Variants in ITPR1 observed in about 807,000 individuals in gnomAD.
ITPR1 encodes inositol 1,4,5-trisphosphate-gated calcium channel ITPR1.
ITPR1 carries 96 observed loss-of-function variants against 318.4 expected under a neutral mutation model. The ratio of observed to expected loss-of-function variants is 0.30; its 90% CI spans 0.26 to 0.36. ITPR1 has a LOEUF of 0.36. Among genes scored for constraint, ITPR1 ranks in the 10% least tolerant of loss-of-function variants. ITPR1 has a pLI of 1.00. For synonymous variants in ITPR1, 1,312 were observed against 1,289.9 expected (o/e 1.02, Z -0.37); for missense variants, 2,440 against 3,460.2 (o/e 0.71, Z 7.40).
At chr3:4,581,047 C>T (rs1227268780) in intron 4 of ITPR1, among the ~76,000 whole-genome samples, 1 of 152,202 alleles carries the variant, frequency 6.6e-6, no homozygotes, top group Non-Finnish European at 1.5e-5. Context: ...GTCCCGACTC[C>T]TCCACATACC....
intron 8 of ITPR1, 146 bp from the exon 9 acceptor site, chr3:4,645,241 G>A (rs2093427989): frequency 3.0e-6 from 2 of 665,356 alleles, no homozygotes; most frequent in South Asian, 1.7e-5. Context: ...GATTTTGCAG[G>A]TGCTGTGATT....
chr3:4,652,293 G>C lies in ITPR1; in HGVS notation c.951+75G>C, dbSNP rs28562557. On this transcript the variant is annotated intron_variant, in intron 11 of 61. Transcript: ENST00000649015. ...CGCCTTTCCTCATTCGCCTGTAGCC[G>C]TCGTGTTGTAAAAGGCTTAGGGAAA... 2.6e-5 allele frequency: 27 copies of C among 1,045,784 alleles called. No homozygotes were observed. The Admixed American group carries it at 3.5e-4, about 14-fold the overall frequency. The allele number at this position is 1,045,784 out of a possible 1,614,324, so 64.8% of individuals were successfully genotyped here.
intron 55 of ITPR1, among the ~76,000 whole-genome samples, chr3:4,808,670 A>G (rs2048741178): frequency 6.6e-6 from 1 of 152,228 alleles, no homozygotes; most frequent in Non-Finnish European, 1.5e-5. Flanking sequence ...GGTAAGAACC[A>G]GAAAACACTG....
At chr3:4,797,210 G>A (rs2047957309) in intron 53 of ITPR1, among the ~76,000 whole-genome samples, 2 of 151,602 alleles carry the variant, frequency 1.3e-5, no homozygotes, top group Admixed American at 1.3e-4. Context: ...TGCCTTAAGT[G>A]CATCAGTTCA....
rs2082528407 is a variant in ITPR1 at position 4,521,079 on chromosome 3, C to T, written c.148C>T (p.Pro50Ser). The T allele has an allele frequency of 3.7e-6, 6 of 1,613,148 alleles. No homozygotes were observed. The highest frequency in any genetic ancestry group is 1.7e-5 in the Admixed American group (1 of 60,006). The stretch of plus-strand genomic sequence containing the variant: ...AGAAACCGGGGACCTTAACAATCCA[C>T]CTAAGAAATTCAGAGGTAAGGTGGT... Reference protein sequence around the residue: ...QPETGDLNNPPKKFRDCLFKL... With the variant: ...QPETGDLNNPSKKFRDCLFKL... Residue 50 changes from proline (P) to serine (S), a missense_variant, in exon 4 of 62, where the codon CCT (proline) becomes TCT (serine). By Grantham distance (74) the Pro-to-Ser change is moderately conservative. Coordinates refer to ENST00000649015, the MANE Select transcript of ITPR1 (RefSeq NM_001378452.1).
intron 4 of ITPR1, among the ~76,000 whole-genome samples, chr3:4,545,330 T>G (rs1357885005): frequency 6.6e-6 from 1 of 152,158 alleles, no homozygotes; most frequent in Non-Finnish European, 1.5e-5. Flanking sequence ...TATGGTATAT[T>G]AAAGAATTTG....
chr3:4,799,624 C>A (rs1368831867), intron 53 of ITPR1, among the ~76,000 whole-genome samples: 1 of 151,950 alleles, frequency 6.6e-6, no homozygotes, highest in African/African-American at 2.4e-5. Flanking sequence ...AATGTGACAG[C>A]ATTTGAAATA....
intron 4 of ITPR1, among the ~76,000 whole-genome samples, chr3:4,611,662 C>G (rs1402028335): frequency 6.6e-6 from 1 of 151,984 alleles, no homozygotes; most frequent in African/African-American, 2.4e-5. Context: ...AGAGAGTCAC[C>G]TGTTCAGAGG....
intron 22 of ITPR1, among the ~76,000 whole-genome samples, 166 bp downstream of exon 22, chr3:4,674,509 G>T (rs1027353266): frequency 9.9e-5 from 15 of 152,188 alleles, no homozygotes; most frequent in African/African-American, 3.6e-4. Context: ...AAATAAAACG[G>T]ATACCAGTCA....
At chr3:4,650,010 C>A (rs965310259) in intron 10 of ITPR1, among the ~76,000 whole-genome samples, 5 of 152,168 alleles carry the variant, frequency 3.3e-5, no homozygotes, top group African/African-American at 1.2e-4. Flanking sequence ...TTAGACCATA[C>A]CAGATAACAT....
rs2046914708 is a variant in ITPR1 at position 4,782,722 on chromosome 3, T to A, written c.6491T>A (p.Ile2164Asn). Reference sequence around the variant, plus strand: ...TCCCCCAGGAACGTGGGGCACAACATCTACATATTAGCCCATCAGGTATGA... The same window carrying A: ...TCCCCCAGGAACGTGGGGCACAACAACTACATATTAGCCCATCAGGTATGA... ...AASPRNVGHN[I>N]YILAHQLARH... Residue 2164 changes from isoleucine (I) to asparagine (N), a missense_variant, in exon 50 of 62, where the codon ATC becomes AAC. Transcript: ENST00000649015. The A allele has an allele frequency of 6.3e-7, 1 of 1,579,796 alleles. No individual in the cohort carries two copies. Among genetic ancestry groups the A allele is most frequent in the Admixed American group, 1.8e-5 (1 of 56,980 alleles).
At chr3:4,769,520 A>G (rs2046051072) in intron 46 of ITPR1, among the ~76,000 whole-genome samples, 1 of 152,230 alleles carries the variant, frequency 6.6e-6, no homozygotes, top group Admixed American at 6.5e-5. Flanking sequence ...CCTTTCAGTG[A>G]TTTACAGAAA....
At chr3:4,800,779 G>A (rs772236352) in intron 54 of ITPR1, among the ~76,000 whole-genome samples, 179 bp downstream of exon 54, 13 of 152,150 alleles carry the variant, frequency 8.5e-5, no homozygotes, top group East Asian at 1.9e-4. Context: ...CTTGACCTCC[G>A]CGTGGTGCAG....
chr3:4,760,077 G>A (rs1227613395), intron 44 of ITPR1, among the ~76,000 whole-genome samples: 1 of 152,248 alleles, frequency 6.6e-6, no homozygotes. Context: ...TCACTGCTGG[G>A]GCTGGTTGTC....
chr3:4,512,881 G>A (rs1247320886), intron 2 of ITPR1, among the ~76,000 whole-genome samples: 1 of 152,190 alleles, frequency 6.6e-6, no homozygotes, highest in Non-Finnish European at 1.5e-5. Context: ...TAGGGGCAGA[G>A]AGCCAGGGTG....
At chr3:4,669,011 A>G (rs910174558) in intron 18 of ITPR1, among the ~76,000 whole-genome samples, 10 of 152,164 alleles carry the variant, frequency 6.6e-5, no homozygotes, top group African/African-American at 2.4e-4. Context: ...GCAATTTACA[A>G]TGTGGGTGTC....
At chr3:4,590,401 G>T (rs2090297173) in intron 4 of ITPR1, among the ~76,000 whole-genome samples, 1 of 151,770 alleles carries the variant, frequency 6.6e-6, no homozygotes, top group Non-Finnish European at 1.5e-5. Context: ...GTAGTCAGTG[G>T]TTGACTGCAT....
chr3:4,663,159 A>T lies in ITPR1; in HGVS notation c.1507A>T (p.Asn503Tyr). ...TCTCGAAGTTGTCTTCTCCAAGCCC[A>T]ACAGAGAACGGCAGAAACTGATGAG... ...DVLEVVFSKP[N>Y]RERQKLMREQ... The change falls in exon 16 of 62, where the codon AAC (asparagine) becomes TAC (tyrosine). Residue 503 changes from asparagine to tyrosine, a missense_variant. Physicochemically the swap from Asn to Tyr is moderately radical, Grantham distance 143 (BLOSUM62 -2). Around this residue, in one of 23 missense-constraint regions of ITPR1, gnomAD observed 478 missense variants for 696.3 expected, o/e 0.69. Coordinates refer to ENST00000649015, the MANE Select transcript of ITPR1 (RefSeq NM_001378452.1). 1.2e-6 allele frequency: 2 copies of T among 1,613,794 alleles called. No homozygotes were observed. Among genetic ancestry groups the T allele is most frequent in the Non-Finnish European group, 1.7e-6 (2 of 1,179,776 alleles).
intron 4 of ITPR1, among the ~76,000 whole-genome samples, chr3:4,615,215 T>C (rs1415412243): frequency 1.3e-5 from 2 of 152,120 alleles, no homozygotes; most frequent in East Asian, 3.9e-4. Flanking sequence ...GCCCTGAGTC[T>C]TCTGCAGCCT....
Sources: gnomAD v4.1 joint callset for allele counts (sites outside exome capture counted in the v4.1 genomes callset) on GRCh38, gnomAD v4.1.1 for gene constraint, gnomAD v4.1.1 regional missense constraint, MANE v1.5 for transcripts, NCBI Gene and HGNC (gene_info 2026-07-23, HGNC 2026-07-21) for gene names.